Variants in SOD1 observed in about 807,000 individuals in gnomAD.
SOD1 encodes superoxide dismutase [Cu-Zn].
In SOD1, 8 loss-of-function variants were observed where a neutral mutation model predicts 15.9. The observed-to-expected ratio is 0.50, with a 90% confidence interval of 0.30 to 0.91. SOD1 has a LOEUF of 0.91. SOD1 is among the 40% of genes least tolerant of loss of function. The pLI is 0.07. For missense variants in SOD1, 137 were observed against 194.5 expected (o/e 0.70, Z 1.76); for synonymous variants, 86 against 71.2 (o/e 1.21, Z -1.04).
chr21:31,662,564 A>G (rs533640561), intron 1 of SOD1, among the ~76,000 whole-genome samples: 3 of 152,270 alleles, frequency 2.0e-5, no homozygotes, highest in African/African-American at 7.2e-5. Flanking sequence ...CATTACCTGA[A>G]TGGCTATACT....
At chr21:31,664,676 T>A (rs1489203912) in intron 2 of SOD1, among the ~76,000 whole-genome samples, 2 of 152,132 alleles carry the variant, frequency 1.3e-5, no homozygotes, top group African/African-American at 4.8e-5. Context: ...TGGAGTGCAG[T>A]GGCGCGATCT....
At chr21:31,660,033 G>A in intron 1 of SOD1, 192 bp downstream of exon 1, 1 of 363,052 alleles carries the variant, frequency 2.8e-6, no homozygotes, top group Non-Finnish European at 4.7e-6. Flanking sequence ...TCACCGGGCG[G>A]GCCCGGGCGC....
At chr21:31,660,041 C>T (rs2049534317) in intron 1 of SOD1, 200 bp downstream of exon 1, 1 of 332,544 alleles carries the variant, frequency 3.0e-6, no homozygotes, top group Non-Finnish European at 5.3e-6. Flanking sequence ...CGGGCCCGGG[C>T]GCGGGGCGTG....
At chr21:31,664,243 G>T (rs963120479) in intron 2 of SOD1, 4 of 306,552 alleles carry the variant, frequency 1.3e-5, no homozygotes, top group East Asian at 7.6e-5. Flanking sequence ...AAAGTGCTGG[G>T]ATTACATGTG....
intron 3 of SOD1, 145 bp from the exon 4 acceptor site, chr21:31,667,113 G>C: frequency 1.4e-6 from 1 of 696,384 alleles, no homozygotes; most frequent in African/African-American, 1.8e-5. Context: ...TAGACGTGAA[G>C]CCTTGTTTGA....
chr21:31,665,472 C>T (rs1159892160), intron 2 of SOD1, among the ~76,000 whole-genome samples: 4 of 152,086 alleles, frequency 2.6e-5, no homozygotes, highest in Non-Finnish European at 4.4e-5. Flanking sequence ...TTGGCTTTAC[C>T]GCCTCTGGTC....
chr21:31,667,425 A>G (rs930300979), intron 4 of SOD1, 50 bp downstream of exon 4: 5 of 1,234,964 alleles, frequency 4.0e-6, no homozygotes, highest in Admixed American at 1.7e-5. Context: ...ACATACAGTC[A>G]TGTATCTTTT....
At position 31,668,851 on chromosome 21, in the gene SOD1, C is replaced by A; in HGVS notation, c.*273C>A. The A allele has an allele frequency of 2.4e-6, 1 of 409,064 alleles. No individual in the cohort carries two copies. Among genetic ancestry groups the A allele is most frequent in the South Asian group, 2.5e-5 (1 of 40,584 alleles). 25.3% of individuals were successfully genotyped at this position (409,064 alleles called of 1,614,324 possible). On this transcript the variant is annotated 3_prime_UTR_variant, in exon 5 of 5. Coordinates refer to ENST00000270142, the MANE Select transcript of SOD1 (RefSeq NM_000454.5). ...ATGGGTATTAAACTTGTCAGAATTT[C>A]TTTGTCATTCAAGCCTGTGAATAAA...
rs1442482518 is a variant in SOD1 at position 31,659,703 on chromosome 21, C to G, written c.-67C>G. The G allele has an allele frequency of 6.5e-7, 1 of 1,537,138 alleles. No individual in the cohort carries two copies. Among genetic ancestry groups the G allele is most frequent in the African/African-American group, 1.4e-5 (1 of 73,436 alleles). On this transcript the variant is annotated 5_prime_UTR_variant, in exon 1 of 5. Transcript: ENST00000270142. ...ACGGGGTGCTGGTTTGCGTCGTAGTCTCCTGCAGCGTCTGGGGTTTCCGTT... is the reference window on the plus strand; with the variant it reads ...ACGGGGTGCTGGTTTGCGTCGTAGTGTCCTGCAGCGTCTGGGGTTTCCGTT...
chr21:31,667,468 C>G (rs1601158682), intron 4 of SOD1, 93 bp downstream of exon 4: 3 of 937,782 alleles, frequency 3.2e-6, no homozygotes, highest in African/African-American at 1.6e-5. Context: ...TTCTAAAGAT[C>G]CAGATAAACT....
chr21:31,667,106 A>T, intron 3 of SOD1, 152 bp from the exon 4 acceptor site: 1 of 687,034 alleles, frequency 1.5e-6, no homozygotes, highest in Non-Finnish European at 2.7e-6. Context: ...TAGTGTGTAG[A>T]CGTGAAGCCT....
Position 31,667,318 on chromosome 21 carries a change from T to C in SOD1, c.300T>C (p.Ile100=). 2 of 1,614,176 alleles carry C rather than the reference T, an allele frequency of 1.2e-6. No individual in the cohort carries two copies. Among genetic ancestry groups the C allele is most frequent in the Non-Finnish European group, 1.7e-6 (2 of 1,179,994 alleles). The change falls in exon 4 of 5, where the codon ATT becomes ATC. Residue 100 remains isoleucine, a synonymous_variant. Transcript: ENST00000270142. ...ADKDGVADVS[I]EDSVISLSGD... Reference sequence around the variant, plus strand: ...AAGATGGTGTGGCCGATGTGTCTATTGAAGATTCTGTGATCTCACTCTCAG... The same window carrying C: ...AAGATGGTGTGGCCGATGTGTCTATCGAAGATTCTGTGATCTCACTCTCAG...
chr21:31,667,003 TG>T, intron 3 of SOD1: 2 of 541,398 alleles, frequency 3.7e-6, no homozygotes, highest in South Asian at 2.1e-5. Flanking sequence ...TTGTTAGCTA[TG>T]CCAGTAATTA....
intron 2 of SOD1, among the ~76,000 whole-genome samples, chr21:31,664,905 C>G (rs865975984): frequency 6.6e-6 from 1 of 151,700 alleles, no homozygotes; most frequent in African/African-American, 2.4e-5. Context: ...CATGAGCCAC[C>G]GCACCCAGCC....
chr21:31,666,550 C>A lies in SOD1; in HGVS notation c.239+32C>A, dbSNP rs759675335. 4 of 1,468,160 alleles carry A rather than the reference C, an allele frequency of 2.7e-6. 1 individual carries two copies. Among genetic ancestry groups the A allele is most frequent in the South Asian group, 2.3e-5 (2 of 87,332 alleles). The allele number at this position is 1,468,160 out of a possible 1,614,324, so 90.9% of individuals were successfully genotyped here. ...AGATGCTTAACTCTTGTAATAATGG[C>A]GATAGCTTTCTGGAGTTCATATGGT... is the stretch of plus-strand genomic sequence containing the variant. On this transcript the variant is annotated intron_variant, in intron 3 of 4. Coordinates refer to ENST00000270142, the MANE Select transcript of SOD1 (RefSeq NM_000454.5).
At chr21:31,660,735 T>G (rs2049541841) in intron 1 of SOD1, 1 of 152,220 alleles carries the variant, frequency 6.6e-6, no homozygotes, top group African/African-American at 2.4e-5. Context: ...TTTGAAAGTT[T>G]CCAAAAGTGA....
At chr21:31,660,686 A>G (rs2049541150) in intron 1 of SOD1, 1 of 152,178 alleles carries the variant, frequency 6.6e-6, no homozygotes, top group African/African-American at 2.4e-5. Context: ...GACCAATTAC[A>G]TCAAAACCTG....
Position 31,666,348 on chromosome 21 carries a change from C to T in SOD1, c.170-101C>T, listed in dbSNP as rs2049592798. 6 of 843,906 alleles carry T rather than the reference C, an allele frequency of 7.1e-6. No homozygotes were observed. The East Asian group carries it at 1.1e-4, about 15-fold the overall frequency. 52.3% of individuals were successfully genotyped at this position (843,906 alleles called of 1,614,324 possible). On this transcript the variant is annotated intron_variant, in intron 2 of 4. Coordinates refer to ENST00000270142, the MANE Select transcript of SOD1 (RefSeq NM_000454.5). ...TTATCCCAGAAGTCGTGATGCAGGT[C>T]AGCACTTTCTCCATGGGAAGTTTTA...
chr21:31,667,053 A>G (rs952548884), intron 3 of SOD1: 1 of 610,668 alleles, frequency 1.6e-6, no homozygotes, highest in Non-Finnish European at 2.9e-6. Flanking sequence ...ACCCTTTGGT[A>G]CTTCTGAAAT....
Sources: gnomAD v4.1 joint callset for allele counts (sites outside exome capture counted in the v4.1 genomes callset) on GRCh38, gnomAD v4.1.1 for gene constraint, MANE v1.5 for transcripts, NCBI Gene and HGNC (gene_info 2026-07-23, HGNC 2026-07-21) for gene names.